The following IFIT5 variants were observed in gnomAD, a reference collection of about 807,000 sequenced individuals.
The protein encoded by IFIT5 is interferon induced protein with tetratricopeptide repeats 5, also known as interferon-induced protein with tetratricopeptide repeats 5.
In IFIT5, 2 loss-of-function variants were observed where a neutral mutation model predicts 5.0. The ratio of observed to expected loss-of-function variants is 0.40; its 90% confidence interval spans 0.16 to 1.26. The LOEUF (loss-of-function observed/expected upper bound fraction) is 1.26. Ranked by LOEUF, IFIT5 falls within the 50% of genes most tolerant of loss-of-function variation. The pLI, the probability that IFIT5 is intolerant of heterozygous loss-of-function variation, is 0.33. For synonymous variants in IFIT5, 206 were observed against 204.6 expected, an observed-to-expected ratio of 1.01 and a Z score of -0.06; for missense variants, 524 against 563.2, an observed-to-expected ratio of 0.93 and a Z score of 0.70.
chr10:89,416,947 A>G (rs1210997626), intron 1 of IFIT5, among the ~76,000 whole-genome samples: 1 of 152,236 alleles, frequency 6.6e-6, no homozygotes, highest in African/African-American at 2.4e-5. Context: ...CCAAAAGGAA[A>G]TAGATACATG....
At position 89,414,584 on chromosome 10, in the gene IFIT5, G is replaced by GCATCTGAT. The variant is rs1841509573; in HGVS notation, c.-214_-207dup. ...TTAAGTTTCAGTTTCTGAGCGCTCG[G>GCATCTGAT]CATCTGATTCAATCTCCAGTTTCCT... On this transcript the variant is annotated 5_prime_UTR_variant, in exon 1 of 2. Coordinates refer to ENST00000371795, the MANE Select transcript of IFIT5 (RefSeq NM_012420.3). The GCATCTGAT allele has an allele frequency of 2.1e-6, 1 of 471,760 alleles. No individual in the cohort carries two copies. The highest frequency in any genetic ancestry group is 3.7e-6 in the Non-Finnish European group (1 of 270,466). The allele number at this position is 471,760 out of a possible 1,614,324, so 29.2% of individuals were successfully genotyped here.
Position 89,417,254 on chromosome 10 carries a change from C to A in IFIT5, c.55C>A (p.His19Asn). The A allele has an allele frequency of 6.2e-7, 1 of 1,611,866 alleles. No homozygotes were observed. Among genetic ancestry groups the A allele is most frequent in the South Asian group, 1.1e-5 (1 of 90,966 alleles). Reference protein sequence around the residue: ...LKAILLELECHFTWNLLKEDI... With the variant: ...LKAILLELECNFTWNLLKEDI... ...GGCCATTCTGTTGGAGTTAGAATGT[C>A]ATTTTACATGGAATTTACTTAAGGA... is the stretch of plus-strand genomic sequence containing the variant. Residue 19 changes from histidine (H) to asparagine (N), a missense_variant, in exon 2 of 2, where the codon CAT becomes AAT. Coordinates refer to ENST00000371795, the MANE Select transcript of IFIT5 (RefSeq NM_012420.3).
At chr10:89,416,423 G>A (rs890407453) in intron 1 of IFIT5, among the ~76,000 whole-genome samples, 9 of 152,236 alleles carry the variant, frequency 5.9e-5, no homozygotes, top group Admixed American at 2.0e-4. Context: ...CCTAGCAGAA[G>A]AACAGAATTA....
chr10:89,420,407 A>G lies in IFIT5; in HGVS notation c.*1759A>G, dbSNP rs1411258200. The G allele has an allele frequency of 6.6e-6, 1 of 152,228 alleles. No homozygotes were observed. Among genetic ancestry groups the G allele is most frequent in the East Asian group, 1.9e-4 (1 of 5,202 alleles). The allele number at this position is 152,228 out of a possible 1,614,324, so 9.4% of individuals were successfully genotyped here. A position where few individuals can be genotyped will look rare whatever the true frequency, so the allele number is the denominator to read the frequency against. ...CAAAGCAGGCCATTTCTCCCACCTG[A>G]AAGTACATAACTTCTATCACTTGCC... On this transcript the variant is annotated 3_prime_UTR_variant, in exon 2 of 2. Coordinates refer to ENST00000371795, the MANE Select transcript of IFIT5 (RefSeq NM_012420.3).
Position 89,418,166 on chromosome 10 carries a change from G to A in IFIT5, c.967G>A (p.Ala323Thr). Residue 323 changes from alanine to threonine, a missense_variant, in exon 2 of 2, where the codon GCT (alanine) becomes ACT (threonine). Transcript: ENST00000371795. ...AAAGGTTGATGAGCTGATTTCATCTGCTATATTTCATTTCAAAGCAGCCAT... is the reference window on the plus strand; with the variant it reads ...AAAGGTTGATGAGCTGATTTCATCTACTATATTTCATTTCAAAGCAGCCAT... ...KLKVDELISS[A>T]IFHFKAAMER... The A allele has an allele frequency of 6.2e-7, 1 of 1,614,182 alleles. No homozygotes were observed. The highest frequency in any genetic ancestry group is 8.5e-7 in the Non-Finnish European group (1 of 1,180,030).
In IFIT5 at chr10:89,418,563, C is replaced by T; in HGVS notation, c.1364C>T (p.Ala455Val). The change falls in exon 2 of 2, where the codon GCT becomes GTT. Residue 455 changes from alanine to valine, a missense_variant. Coordinates refer to ENST00000371795, the MANE Select transcript of IFIT5 (RefSeq NM_012420.3). ...CTGGAAGGAGAAAAGAGGCAAGCTG[C>T]TGAGTACTATGAGAAGGCACAAAAG... is the stretch of plus-strand genomic sequence containing the variant. ...YKLEGEKRQA[A>V]EYYEKAQKID... is the part of the protein sequence containing the mutation. 6.2e-7 allele frequency: 1 copy of T among 1,614,140 alleles called. No individual in the cohort carries two copies. Among genetic ancestry groups the T allele is most frequent in the Non-Finnish European group, 8.5e-7 (1 of 1,180,010 alleles).
At chr10:89,414,871 T>C in intron 1 of IFIT5, 68 bp downstream of exon 1, 2 of 1,579,492 alleles carry the variant, frequency 1.3e-6, no homozygotes, top group Non-Finnish European at 1.7e-6. Context: ...GGGCTGCTTT[T>C]ATTCATTTCC....
At position 89,418,426 on chromosome 10, in the gene IFIT5, A is replaced by G. The variant is rs1263813306; in HGVS notation, c.1227A>G (p.Arg409=). 4 of 1,614,096 alleles carry G rather than the reference A, an allele frequency of 2.5e-6. No homozygotes were observed. Among genetic ancestry groups the G allele is most frequent in the Non-Finnish European group, 3.4e-6 (4 of 1,180,036 alleles). The change falls in exon 2 of 2, where the codon AGA becomes AGG. Residue 409 remains arginine (R), a synonymous_variant. Coordinates refer to ENST00000371795, the MANE Select transcript of IFIT5 (RefSeq NM_012420.3). ...TAGAAGCCTTAAAGGTCAAAGACAG[A>G]TCACCCCTTCGCACCAAACTGACAA... ...HYLEALKVKD[R]SPLRTKLTSA...
chr10:89,418,171 A>G lies in IFIT5; in HGVS notation c.972A>G (p.Ile324Met), dbSNP rs373762041. ...LKVDELISSA[I>M]FHFKAAMERD... Reference sequence around the variant, plus strand: ...TTGATGAGCTGATTTCATCTGCTATATTTCATTTCAAAGCAGCCATGGAAC... The same window carrying G: ...TTGATGAGCTGATTTCATCTGCTATGTTTCATTTCAAAGCAGCCATGGAAC... Residue 324 changes from isoleucine to methionine, a missense_variant, in exon 2 of 2, where the codon ATA becomes ATG. Coordinates refer to ENST00000371795, the MANE Select transcript of IFIT5 (RefSeq NM_012420.3). 2.0e-5 allele frequency: 32 copies of G among 1,614,102 alleles called. No individual in the cohort carries two copies. Among genetic ancestry groups the G allele is most frequent in the Non-Finnish European group, 2.5e-5 (29 of 1,180,038 alleles).
rs545012196 is a variant in IFIT5 at position 89,420,153 on chromosome 10, A to G, written c.*1505A>G. On this transcript the variant is annotated 3_prime_UTR_variant, in exon 2 of 2. Transcript: ENST00000371795. ...ATGTAAACTTCCAGATCTTTTTTCTATGCGTAATCAGACATACATATATAC... is the reference window on the plus strand; with the variant it reads ...ATGTAAACTTCCAGATCTTTTTTCTGTGCGTAATCAGACATACATATATAC... 6.6e-6 allele frequency: 1 copy of G among 152,300 alleles called. No homozygotes were observed. The highest frequency in any genetic ancestry group is 2.1e-4 in the South Asian group (1 of 4,832). The allele number at this position is 152,300 out of a possible 1,614,324, so 9.4% of individuals were successfully genotyped here. A position where few individuals can be genotyped will look rare whatever the true frequency, so the allele number is the denominator to read the frequency against.
Position 89,418,458 on chromosome 10 carries a change from T to C in IFIT5, c.1259T>C (p.Leu420Pro). ...CTTCGCACCAAACTGACAAGTGCTCTGAAGAAATTGTCTACCAAGAGACTT... is the reference window on the plus strand; with the variant it reads ...CTTCGCACCAAACTGACAAGTGCTCCGAAGAAATTGTCTACCAAGAGACTT... The part of the protein sequence containing the change: ...SPLRTKLTSA[L>P]KKLSTKRLCH... Residue 420 changes from leucine (L) to proline (P), a missense_variant, in exon 2 of 2, where the codon CTG becomes CCG. Coordinates refer to ENST00000371795, the MANE Select transcript of IFIT5 (RefSeq NM_012420.3). The C allele has an allele frequency of 6.2e-7, 1 of 1,614,216 alleles. No homozygotes were observed. Among genetic ancestry groups the C allele is most frequent in the Non-Finnish European group, 8.5e-7 (1 of 1,180,016 alleles).
Position 89,420,195 on chromosome 10 carries a change from TATTA to T in IFIT5, c.*1551_*1554del, listed in dbSNP as rs1229898344. On this transcript the variant is annotated 3_prime_UTR_variant, in exon 2 of 2. Transcript: ENST00000371795. The stretch of plus-strand genomic sequence containing the variant: ...CATATATACTGCAGTGTATCTCACG[TATTA>T]ATTTTTAAAAATCTTTTGTTTTACT... 4.6e-5 allele frequency: 7 copies of T among 152,164 alleles called. No individual in the cohort carries two copies. Among genetic ancestry groups the T allele is most frequent in the Non-Finnish European group, 8.8e-5 (6 of 68,028 alleles). The allele number at this position is 152,164 out of a possible 1,614,324, so 9.4% of individuals were successfully genotyped here. A position where few individuals can be genotyped will look rare whatever the true frequency, so the allele number is the denominator to read the frequency against.
Position 89,419,047 on chromosome 10 carries a change from T to C in IFIT5, c.*399T>C, listed in dbSNP as rs304447. 0.24 allele frequency: 38,060 copies of C among 155,894 alleles called. 5,106 individuals carry two copies. The highest frequency in any genetic ancestry group is 0.45 in the East Asian group (2,403 of 5,294). The allele number at this position is 155,894 out of a possible 1,614,324, so 9.7% of individuals were successfully genotyped here. On this transcript the variant is annotated 3_prime_UTR_variant, in exon 2 of 2. Coordinates refer to ENST00000371795, the MANE Select transcript of IFIT5 (RefSeq NM_012420.3). ...GAGTACAAAATTACATTATTGATAG[T>C]TAAGCTCTTAATTGTGTAGCTTGCA...
rs1301577639 is a variant in IFIT5 at position 89,418,427 on chromosome 10, T to G, written c.1228T>G (p.Ser410Ala). The G allele has an allele frequency of 6.2e-7, 1 of 1,614,200 alleles. No individual in the cohort carries two copies. Among genetic ancestry groups the G allele is most frequent in the African/African-American group, 1.3e-5 (1 of 75,046 alleles). The change falls in exon 2 of 2, where the codon TCA becomes GCA. Residue 410 changes from serine (S) to alanine (A), a missense_variant. Physicochemically the swap from Ser to Ala is moderately conservative, Grantham distance 99. Transcript: ENST00000371795. ...AGAAGCCTTAAAGGTCAAAGACAGA[T>G]CACCCCTTCGCACCAAACTGACAAG... ...YLEALKVKDRSPLRTKLTSAL... is the reference protein window; with the variant it reads ...YLEALKVKDRAPLRTKLTSAL...
intron 1 of IFIT5, among the ~76,000 whole-genome samples, chr10:89,416,769 T>C (rs75819164): frequency 0.026 from 3,921 of 152,332 alleles, 116 homozygotes; most frequent in African/African-American, 0.072. Context: ...ATGGCATGTC[T>C]TGCCCATATT....
At position 89,418,703 on chromosome 10, in the gene IFIT5, G is replaced by GT; in HGVS notation, c.*58dup. ...TTTTCCCTTCATTTTGGGTTCTCCTGTTTGTTTTTTTTTTATTATTTTAAT... is the reference window on the plus strand; with the variant it reads ...TTTTCCCTTCATTTTGGGTTCTCCTGTTTTGTTTTTTTTTTATTATTTTAAT... On this transcript the variant is annotated 3_prime_UTR_variant, in exon 2 of 2. Coordinates refer to ENST00000371795, the MANE Select transcript of IFIT5 (RefSeq NM_012420.3). The GT allele has an allele frequency of 4.0e-6, 6 of 1,487,622 alleles. No homozygotes were observed. The African/African-American group carries it at 4.3e-5, about 11-fold the overall frequency. The allele number at this position is 1,487,622 out of a possible 1,614,324, so 92.2% of individuals were successfully genotyped here.
In IFIT5 at chr10:89,418,306, C is replaced by T. The variant is rs1460557677; in HGVS notation, c.1107C>T (p.Asn369=). The T allele has an allele frequency of 2.5e-6, 4 of 1,614,202 alleles. No homozygotes were observed. The highest frequency in any genetic ancestry group is 3.4e-6 in the Non-Finnish European group (4 of 1,180,024). The change falls in exon 2 of 2, where the codon AAC becomes AAT. Residue 369 remains asparagine (N), a synonymous_variant. Coordinates refer to ENST00000371795, the MANE Select transcript of IFIT5 (RefSeq NM_012420.3). ...DIFRKALRLE[N]ITDDHKHQIH... is the part of the protein sequence containing the mutation. Reference sequence around the variant, plus strand: ...TCCGGAAAGCTCTTCGTCTGGAGAACATAACCGATGATCACAAACATCAGA... The same window carrying T: ...TCCGGAAAGCTCTTCGTCTGGAGAATATAACCGATGATCACAAACATCAGA...
rs1005011911 is a variant in IFIT5 at position 89,414,701 on chromosome 10, G to T, written c.-98G>T. The T allele has an allele frequency of 6.8e-7, 1 of 1,463,278 alleles. No individual in the cohort carries two copies. The highest frequency in any genetic ancestry group is 9.0e-7 in the Non-Finnish European group (1 of 1,105,228). 90.6% of individuals were successfully genotyped at this position (1,463,278 alleles called of 1,614,324 possible). On this transcript the variant is annotated 5_prime_UTR_variant, in exon 1 of 2. Coordinates refer to ENST00000371795, the MANE Select transcript of IFIT5 (RefSeq NM_012420.3). ...AGAGGCCTGGCGCGCGCACGCGCAC[G>T]CGCACGCCCACCGCGCGGCTTCCCG...
rs2133653742 is a variant in IFIT5 at position 89,417,616 on chromosome 10, G to A, written c.417G>A (p.Glu139=). The A allele has an allele frequency of 6.2e-7, 1 of 1,614,236 alleles. No individual in the cohort carries two copies. The highest frequency in any genetic ancestry group is 2.2e-5 in the East Asian group (1 of 44,882). The change falls in exon 2 of 2, where the codon GAG becomes GAA. Residue 139 remains glutamate (E), a synonymous_variant. Coordinates refer to ENST00000371795, the MANE Select transcript of IFIT5 (RefSeq NM_012420.3). The part of the protein sequence containing the change: ...SPSNYKLECP[E]TDCEKGWALL... ...CTAACTACAAGTTGGAGTGTCCTGA[G>A]ACTGACTGTGAGAAAGGCTGGGCAC...
Sources: gnomAD v4.1 joint callset for allele counts (sites outside exome capture counted in the v4.1 genomes callset) on GRCh38, gnomAD v4.1.1 for gene constraint, MANE v1.5 for transcripts, NCBI Gene and HGNC (gene_info 2026-07-23, HGNC 2026-07-21) for gene names.